CMSS1: variants seen among roughly 807,000 people sequenced by gnomAD.
CMSS1 encodes cms1 ribosomal small subunit homolog.
A neutral mutation model predicts 43.5 loss-of-function variants in CMSS1; 33 were observed. The ratio of observed to expected loss-of-function variants is 0.76; its 90% CI spans 0.57 to 1.01. CMSS1 has a LOEUF of 1.01. CMSS1 is among the 50% of genes least tolerant of loss of function. CMSS1 has a pLI of 0.00. For synonymous variants in CMSS1, 115 were observed against 117.2 expected (o/e 0.98, Z 0.12); for missense variants, 313 against 326.4 (o/e 0.96, Z 0.32).
intron 1 of CMSS1, among the ~76,000 whole-genome samples, chr3:99,852,739 G>A (rs1196175647): frequency 6.6e-6 from 1 of 151,994 alleles, no homozygotes; most frequent in Non-Finnish European, 1.5e-5. Flanking sequence ...CCACCGTGCC[G>A]GCTGAGAGAA....
intron 1 of CMSS1, among the ~76,000 whole-genome samples, chr3:100,035,398 G>A (rs768542388): frequency 7.9e-5 from 12 of 151,998 alleles, no homozygotes; most frequent in South Asian, 4.2e-4. Flanking sequence ...CTCAGCCTCC[G>A]GAGTAGCTGG....
intron 1 of CMSS1, among the ~76,000 whole-genome samples, chr3:100,057,968 A>T (rs547151336): frequency 6.6e-6 from 1 of 152,368 alleles, no homozygotes; most frequent in African/African-American, 2.4e-5. Context: ...TGATGAAAAT[A>T]GCTAGTTATT....
In CMSS1 at chr3:100,059,075, T is replaced by A. The variant is rs949880310; in HGVS notation, c.65-87898T>A. Among the ~76,000 whole-genome samples, 10 of 152,370 alleles carry A rather than the reference T, an allele frequency of 6.6e-5. No homozygotes were observed. The East Asian group carries it at 1.3e-3, about 21-fold the overall frequency. On this transcript the variant is annotated intron_variant, in intron 1 of 9. Transcript: ENST00000421999. ...CCTTTAGGGTAATTTCTCTTTTACCTAGTCAGCACTACAAAGTAAAGCTTA... is the reference window on the plus strand; with the variant it reads ...CCTTTAGGGTAATTTCTCTTTTACCAAGTCAGCACTACAAAGTAAAGCTTA...
At chr3:100,061,046 A>G (rs2107344370) in intron 1 of CMSS1, among the ~76,000 whole-genome samples, 1 of 152,260 alleles carries the variant, frequency 6.6e-6, no homozygotes, top group African/African-American at 2.4e-5. Flanking sequence ...CCCAAGATTT[A>G]TTAGCAGGGC....
At chr3:100,036,199 A>G (rs1488771526) in intron 1 of CMSS1, among the ~76,000 whole-genome samples, 2 of 152,344 alleles carry the variant, frequency 1.3e-5, no homozygotes, top group Middle Eastern at 3.4e-3. Flanking sequence ...GTCTAGAATC[A>G]ATGACACCTT....
intron 1 of CMSS1, among the ~76,000 whole-genome samples, chr3:100,045,103 G>A (rs1489339162): frequency 1.3e-5 from 2 of 152,212 alleles, no homozygotes; most frequent in African/African-American, 2.4e-5. Context: ...AAACAGATCT[G>A]GCGCTCACAA....
intron 2 of CMSS1, chr3:100,159,840 T>A: frequency 2.2e-6 from 1 of 456,084 alleles, no homozygotes; most frequent in South Asian, 1.6e-5. Flanking sequence ...GCTGAGACGG[T>A]TATCAGACTA....
intron 1 of CMSS1, among the ~76,000 whole-genome samples, chr3:99,879,311 T>A (rs778155858): frequency 2.0e-5 from 3 of 152,234 alleles, no homozygotes; most frequent in Non-Finnish European, 4.4e-5. Flanking sequence ...CAAAGACAGC[T>A]TAATATCACC....
intron 1 of CMSS1, among the ~76,000 whole-genome samples, chr3:99,952,206 A>G (rs948962812): frequency 1.3e-5 from 2 of 151,994 alleles, no homozygotes; most frequent in African/African-American, 4.8e-5. Flanking sequence ...AATAAGGGTC[A>G]ATTTCTATTT....
At position 100,179,816 on chromosome 3, in the gene CMSS1, C is replaced by A. The variant is rs921467181; in HGVS notation, c.*1428C>A. The A allele has an allele frequency of 6.6e-6, 1 of 152,274 alleles. No homozygotes were observed. Among genetic ancestry groups the A allele is most frequent in the East Asian group, 1.9e-4 (1 of 5,196 alleles). 9.4% of individuals were successfully genotyped at this position (152,274 alleles called of 1,614,324 possible). On this transcript the variant is annotated 3_prime_UTR_variant, in exon 10 of 10. Coordinates refer to ENST00000421999, the MANE Select transcript of CMSS1 (RefSeq NM_032359.4). ...TGGGGACTCTGTGTAGGGTCTCCAA[C>A]CCCACATTTCCCCTCTGCACTGCCC...
intron 1 of CMSS1, among the ~76,000 whole-genome samples, chr3:100,100,986 A>C (rs1160487694): frequency 6.6e-6 from 1 of 152,120 alleles, no homozygotes. Context: ...ACAGAGAAGA[A>C]AGTGTGTGAT....
chr3:99,929,267 G>A (rs1707394183), intron 1 of CMSS1, among the ~76,000 whole-genome samples: 1 of 152,168 alleles, frequency 6.6e-6, no homozygotes, highest in Non-Finnish European at 1.5e-5. Context: ...CTTTGCCGTT[G>A]TAATTGCTAG....
intron 1 of CMSS1, among the ~76,000 whole-genome samples, chr3:100,067,731 A>G (rs1305948688): frequency 6.6e-6 from 1 of 152,206 alleles, no homozygotes; most frequent in Admixed American, 6.5e-5. Flanking sequence ...CACACTGAGT[A>G]GGTGCTAAAT....
At chr3:100,039,185 A>T (rs923472) in intron 1 of CMSS1, among the ~76,000 whole-genome samples, 92,122 of 151,952 alleles carry the variant, frequency 0.61, 28,052 homozygotes, top group East Asian at 0.72. Flanking sequence ...CAGACCTTTC[A>T]CTGTAGTGGT....
intron 2 of CMSS1, among the ~76,000 whole-genome samples, chr3:100,148,765 T>G (rs1203289890): frequency 6.6e-6 from 1 of 152,112 alleles, no homozygotes; most frequent in Non-Finnish European, 1.5e-5. Flanking sequence ...TATTATAATC[T>G]TTTTTATTTT....
intron 1 of CMSS1, among the ~76,000 whole-genome samples, chr3:99,881,144 G>A (rs943657747): frequency 6.6e-6 from 1 of 152,106 alleles, no homozygotes; most frequent in Non-Finnish European, 1.5e-5. Flanking sequence ...GTTTACAGGG[G>A]ATGCCATAAG....
In CMSS1 at chr3:99,890,724, C is replaced by T. The variant is rs377440083; in HGVS notation, c.64+72681C>T. On this transcript the variant is annotated intron_variant, in intron 1 of 9. Coordinates refer to ENST00000421999, the MANE Select transcript of CMSS1 (RefSeq NM_032359.4). ...ACTTTTTAAACTAGAAATACCAATC[C>T]GCTGTTTTTTTTTTTCTGACATATT... Among the ~76,000 whole-genome samples, 315 of 151,394 alleles carry T rather than the reference C, an allele frequency of 2.1e-3. 3 individuals carry two copies. Among genetic ancestry groups the T allele is most frequent in the African/African-American group, 7.2e-3 (299 of 41,282 alleles).
At chr3:100,121,534 A>G (rs557784975) in intron 1 of CMSS1, among the ~76,000 whole-genome samples, 15 of 152,186 alleles carry the variant, frequency 9.9e-5, no homozygotes, top group Non-Finnish European at 1.9e-4. Context: ...TATTGTGAAT[A>G]GTGACACAAT....
In CMSS1 at chr3:99,924,136, C is replaced by T. The variant is rs1707211882; in HGVS notation, c.64+106093C>T. ...ACTATGAGATCTTTGAGAACAGAGA[C>T]TGTGTCATATTTATCTTTGTATCCC... On this transcript the variant is annotated intron_variant, in intron 1 of 9. Coordinates refer to ENST00000421999, the MANE Select transcript of CMSS1 (RefSeq NM_032359.4). 3.9e-6 allele frequency: 4 copies of T among 1,024,390 alleles called. No individual in the cohort carries two copies. In the Admixed American group the frequency reaches 8.9e-5, roughly 23 times the overall value. 63.5% of individuals were successfully genotyped at this position (1,024,390 alleles called of 1,614,324 possible).
Sources: allele counts gnomAD v4.1 joint callset (sites outside exome capture counted in the v4.1 genomes callset), GRCh38; gene constraint gnomAD v4.1.1; transcripts MANE v1.5; gene names NCBI Gene and HGNC (gene_info 2026-07-23, HGNC 2026-07-21).